SLCO3A1: variants seen among roughly 807,000 people sequenced by gnomAD.
The protein encoded by SLCO3A1 is PGE1 transporter.
Under a neutral mutation model 63.1 loss-of-function variants are expected in SLCO3A1, and 27 were observed. The observed-to-expected ratio is 0.43, with a 90% CI of 0.32 to 0.59. SLCO3A1 has a LOEUF of 0.59. SLCO3A1 is among the 20% of genes least tolerant of loss of function. The pLI, the probability that SLCO3A1 is intolerant of heterozygous loss-of-function variation, is 0.09. For synonymous variants in SLCO3A1, 473 were observed against 409.9 expected, an observed-to-expected ratio of 1.15 and a Z score of -1.86; for missense variants, 773 against 945.8, an observed-to-expected ratio of 0.82 and a Z score of 2.40.
chr15:92,105,653 G>A (rs7180401), intron 4 of SLCO3A1, among the ~76,000 whole-genome samples: 3,757 of 152,180 alleles, frequency 0.025, 143 homozygotes, highest in African/African-American at 0.085. Flanking sequence ...GTTCCTTAAT[G>A]CACACGACTC....
intron 2 of SLCO3A1, among the ~76,000 whole-genome samples, chr15:91,918,412 C>G (rs1257603204): frequency 6.6e-6 from 1 of 152,110 alleles, no homozygotes; most frequent in Non-Finnish European, 1.5e-5. Context: ...CTTGGTGGCT[C>G]TGTTACATAT....
chr15:91,998,190 A>C (rs2046213970), intron 2 of SLCO3A1, among the ~76,000 whole-genome samples: 1 of 152,236 alleles, frequency 6.6e-6, no homozygotes, highest in South Asian at 2.1e-4. Context: ...GTGGTGGCTC[A>C]TGCCTGTAAT....
At chr15:91,901,800 G>C (rs1898164000) in intron 1 of SLCO3A1, among the ~76,000 whole-genome samples, 1 of 152,070 alleles carries the variant, frequency 6.6e-6, no homozygotes, top group Non-Finnish European at 1.5e-5. Context: ...TGTCTAGGCG[G>C]GGATCTTTTT....
intron 1 of SLCO3A1, among the ~76,000 whole-genome samples, chr15:91,880,153 C>T (rs1897526791): frequency 1.3e-5 from 2 of 149,194 alleles, no homozygotes; most frequent in South Asian, 4.3e-4. Flanking sequence ...ATCCATCCAT[C>T]CATCCATCCA....
rs756322073 is a variant in SLCO3A1 at position 92,162,980 on chromosome 15, G to C, written c.1978G>C (p.Glu660Gln). ...CTATAAACGCTACATCAAAAACCAC[G>C]AGGGCGGGCTGAGCACCAGTGAGTT... Reference protein sequence around the residue: ...KNYKRYIKNHEGGLSTSEFFA... With the variant: ...KNYKRYIKNHQGGLSTSEFFA... Residue 660 changes from glutamate to glutamine, a missense_variant, in exon 10 of 10, where the codon GAG (glutamate) becomes CAG (glutamine). Glu to Gln is a conservative substitution (Grantham distance 29). Around this residue, in one of 3 missense-constraint regions of SLCO3A1, gnomAD observed 139 missense variants for 131.4 expected, o/e 1.06. Coordinates refer to ENST00000318445, the MANE Select transcript of SLCO3A1 (RefSeq NM_013272.4). 6.2e-7 allele frequency: 1 copy of C among 1,613,816 alleles called. No individual in the cohort carries two copies. Among genetic ancestry groups the C allele is most frequent in the East Asian group, 2.2e-5 (1 of 44,882 alleles).
chr15:92,102,139 G>A (rs2151543822), intron 3 of SLCO3A1, among the ~76,000 whole-genome samples: 1 of 152,146 alleles, frequency 6.6e-6, no homozygotes, highest in Middle Eastern at 3.4e-3. Context: ...AGACAATGGA[G>A]GGAAATACTT....
At chr15:92,054,932 A>G (rs1597266029) in intron 2 of SLCO3A1, among the ~76,000 whole-genome samples, 3 of 152,264 alleles carry the variant, frequency 2.0e-5, no homozygotes, top group East Asian at 3.9e-4. Flanking sequence ...GTATCTTTAT[A>G]ATAGAATTAT....
chr15:92,035,397 C>A (rs1045715746), intron 2 of SLCO3A1, among the ~76,000 whole-genome samples: 1 of 151,758 alleles, frequency 6.6e-6, no homozygotes, highest in African/African-American at 2.4e-5. Flanking sequence ...GATACAGAAA[C>A]CCAGATCTGT....
intron 2 of SLCO3A1, among the ~76,000 whole-genome samples, chr15:92,031,979 A>G (rs950865842): frequency 1.6e-4 from 24 of 152,110 alleles, no homozygotes; most frequent in Admixed American, 2.6e-4. Context: ...CTCAGTAGGT[A>G]TCTGTAAATG....
chr15:92,111,194 C>T (rs2047724931), intron 4 of SLCO3A1, among the ~76,000 whole-genome samples: 1 of 152,184 alleles, frequency 6.6e-6, no homozygotes, highest in African/African-American at 2.4e-5. Context: ...CCAGCTCATG[C>T]CTCTCCATAG....
In SLCO3A1 at chr15:91,887,190, T is replaced by C. The variant is rs368822607; in HGVS notation, c.181-28803T>C. ...AGTTAATCCAGAGTGGGCCACAGGT[T>C]GATGGCATTTTGCTTTATTCTTCAA... On this transcript the variant is annotated intron_variant, in intron 1 of 9. Transcript: ENST00000318445. 7.2e-5 allele frequency among the ~76,000 whole-genome samples: 11 copies of C among 152,342 alleles called. No homozygotes were observed. In the East Asian group the frequency reaches 9.6e-4, roughly 13 times the overall value.
intron 7 of SLCO3A1, among the ~76,000 whole-genome samples, chr15:92,133,984 T>C (rs559280808): frequency 6.6e-6 from 1 of 152,168 alleles, no homozygotes; most frequent in African/African-American, 2.4e-5. Flanking sequence ...CCTGAAGATA[T>C]ATTTAATGTG....
At chr15:91,943,680 C>T (rs950581275) in intron 2 of SLCO3A1, among the ~76,000 whole-genome samples, 3 of 152,140 alleles carry the variant, frequency 2.0e-5, no homozygotes, top group African/African-American at 4.8e-5. Context: ...ATACCCAGTG[C>T]ATAATTTTCA....
chr15:91,916,506 C>A lies in SLCO3A1; in HGVS notation c.646+48C>A. 7.1e-7 allele frequency: 1 copy of A among 1,412,860 alleles called. No homozygotes were observed. The highest frequency in any genetic ancestry group is 9.6e-7 in the Non-Finnish European group (1 of 1,037,920). 87.5% of individuals were successfully genotyped at this position (1,412,860 alleles called of 1,614,324 possible). On this transcript the variant is annotated intron_variant, in intron 2 of 9. Coordinates refer to ENST00000318445, the MANE Select transcript of SLCO3A1 (RefSeq NM_013272.4). The surrounding 1 kb of genome is among the most constrained non-coding windows in gnomAD (Gnocchi z 6.2). ...TAGCAAGAGACCAGGGTGTGTTGAC[C>A]ATGGATAAAAGGTGGCCTGGTGGAC...
chr15:91,909,033 C>T (rs1567180521), intron 1 of SLCO3A1, among the ~76,000 whole-genome samples: 2 of 152,208 alleles, frequency 1.3e-5, no homozygotes, highest in Admixed American at 1.3e-4. Context: ...TGCACTCCAG[C>T]CTGCGCAACA....
intron 2 of SLCO3A1, among the ~76,000 whole-genome samples, chr15:92,020,735 G>C (rs531135356): frequency 7.9e-5 from 12 of 152,340 alleles, no homozygotes; most frequent in African/African-American, 2.9e-4. Flanking sequence ...TTTGACATTA[G>C]TGCTCAGAAG....
At chr15:91,923,715 AATT>A (rs1035363652) in intron 2 of SLCO3A1, among the ~76,000 whole-genome samples, 1 of 152,224 alleles carries the variant, frequency 6.6e-6, no homozygotes, top group Admixed American at 6.5e-5. Flanking sequence ...ACCTATAGAA[AATT>A]ATTGTCAGTA....
chr15:92,082,647 A>T (rs1321251052), intron 2 of SLCO3A1, among the ~76,000 whole-genome samples: 1 of 152,242 alleles, frequency 6.6e-6, no homozygotes, highest in African/African-American at 2.4e-5. Flanking sequence ...TTCATGCCAG[A>T]TATCAGAAGA....
At chr15:92,065,542 C>G (rs2047140399) in intron 2 of SLCO3A1, among the ~76,000 whole-genome samples, 1 of 151,956 alleles carries the variant, frequency 6.6e-6, no homozygotes, top group Non-Finnish European at 1.5e-5. Context: ...AGTCTCAACT[C>G]CAGTTTTTCT....
Sources: gnomAD v4.1 joint callset for allele counts (sites outside exome capture counted in the v4.1 genomes callset) on GRCh38, gnomAD v4.1.1 for gene constraint, gnomAD v4.1.1 regional missense constraint, Gnocchi (gnomAD v3.1) non-coding constraint, MANE v1.5 for transcripts, NCBI Gene and HGNC (gene_info 2026-07-23, HGNC 2026-07-21) for gene names.